The following VEGFD variants were observed in gnomAD, a reference collection of about 807,000 sequenced individuals.
The protein encoded by VEGFD is c-fos induced growth factor (vascular endothelial growth factor D).
Under a neutral mutation model 28.0 loss-of-function variants are expected in VEGFD, and 26 were observed. The observed-to-expected ratio is 0.93, with a 90% CI of 0.68 to 1.29. The LOEUF is 1.29. Ranked by LOEUF, VEGFD falls within the 50% of genes most tolerant of loss-of-function variation. VEGFD has a pLI of 0.00. For synonymous variants in VEGFD, 93 were observed against 95.5 expected (o/e 0.97, Z 0.15); for missense variants, 294 against 273.4 (o/e 1.08, Z -0.53).
rs745810706 is a variant in VEGFD, at chrX:15,358,015, G to A, written c.480C>T (p.Tyr160=). 97 of 1,209,049 alleles carry A rather than the reference G, an allele frequency of 8.0e-5. No homozygotes were observed. The South Asian group carries it at 1.7e-3, about 21-fold the overall frequency. ...SLICMNTSTS[Y]ISKQLFEISV... ...GATGTCCTTATACCTGTTTGGAAAT[G>A]TACGAGGTGCTGGTGTTCATACAGA... is the stretch of plus-strand genomic sequence containing the variant. Residue 160 remains tyrosine (Y), a synonymous_variant, in exon 3 of 7, where the codon TAC becomes TAT. Coordinates refer to ENST00000297904, the MANE Select transcript of VEGFD (RefSeq NM_004469.5).
intron 5 of VEGFD, among the ~76,000 whole-genome samples, chrX:15,350,837 T>TTTCTCTTTCTC (rs200294950): frequency 2.3e-4 from 14 of 62,069 alleles, no homozygotes; most frequent in Admixed American, 1.7e-3. Flanking sequence ...TTCTTTTCTT[T>TTTCTCTTTCTC]TCTTTTTCTC....
chrX:15,358,115 C>T lies in VEGFD; in HGVS notation c.380G>A (p.Ser127Asn). 3 of 1,211,515 alleles carry T rather than the reference C, an allele frequency of 2.5e-6. No individual in the cohort carries two copies. Among genetic ancestry groups the T allele is most frequent in the Non-Finnish European group, 3.4e-6 (3 of 895,282 alleles). Residue 127 changes from serine (S) to asparagine (N), a missense_variant, in exon 3 of 7, where the codon AGT (serine) becomes AAT (asparagine). Transcript: ENST00000297904. ...AGGGGGCTTGAAGAATGTGTTGGTACTCTTCCCCAGCTCACTGGCCACCTC... is the reference window on the plus strand; with the variant it reads ...AGGGGGCTTGAAGAATGTGTTGGTATTCTTCCCCAGCTCACTGGCCACCTC... ...CVEVASELGKSTNTFFKPPCV... is the reference protein window; with the variant it reads ...CVEVASELGKNTNTFFKPPCV...
Position 15,346,137 on chromosome X carries a change from G to T in VEGFD, c.1061C>A (p.Pro354His). ...TGGGGAACTTGGAACGCTGAATCAA[G>T]GATTCTTTCGGCTGTGGGGCCCCTG... is the stretch of plus-strand genomic sequence containing the variant. ...AAQGPHSRKNP is the reference protein window; with the variant it reads ...AAQGPHSRKNH The change falls in exon 7 of 7, where the codon CCT (proline) becomes CAT (histidine). Residue 354 changes from proline to histidine, a missense_variant. Transcript: ENST00000297904. 5.0e-6 allele frequency: 6 copies of T among 1,209,949 alleles called. No individual in the cohort carries two copies. Among genetic ancestry groups the T allele is most frequent in the Non-Finnish European group, 6.7e-6 (6 of 894,839 alleles).
chrX:15,347,164 C>G lies in VEGFD; in HGVS notation c.938G>C (p.Ser313Thr). ...AGGCAAGACAACTCAAGGCATTTAC[C>G]TGCAGGTGTCTGGGTGAAATAGCTT... Reference protein sequence around the residue: ...KHKLFHPDTCSCEDRCPFHTR... With the variant: ...KHKLFHPDTCTCEDRCPFHTR... Residue 313 changes from serine (S) to threonine (T), a missense_variant and splice_region_variant, in exon 6 of 7, where the codon AGC (serine) becomes ACC (threonine). Coordinates refer to ENST00000297904, the MANE Select transcript of VEGFD (RefSeq NM_004469.5). 5 of 1,205,461 alleles carry G rather than the reference C, an allele frequency of 4.1e-6. No homozygotes were observed. Among genetic ancestry groups the G allele is most frequent in the Non-Finnish European group, 5.6e-6 (5 of 891,977 alleles).
At position 15,354,099 on chromosome X, in the gene VEGFD, A is replaced by G. The variant is rs377560062; in HGVS notation, c.642-931T>C. 4.7e-5 allele frequency among the ~76,000 whole-genome samples: 5 copies of G among 107,171 alleles called. No individual in the cohort carries two copies. The East Asian group carries it at 8.8e-4, about 19-fold the overall frequency. 93.1% of individuals were successfully genotyped at this position (107,171 alleles called of 115,157 possible). On this transcript the variant is annotated intron_variant, in intron 4 of 6. Coordinates refer to ENST00000297904, the MANE Select transcript of VEGFD (RefSeq NM_004469.5). Reference sequence around the variant, plus strand: ...TTCTCCTGCCTCAGCCTCCCAAGTAACTGGGACTACAGGCACCCACCACCA... The same window carrying G: ...TTCTCCTGCCTCAGCCTCCCAAGTAGCTGGGACTACAGGCACCCACCACCA...
rs1396657868 is a variant in VEGFD, at chrX:15,347,530, T to C, written c.743-171A>G. 2.0e-5 allele frequency: 7 copies of C among 342,032 alleles called. No individual in the cohort carries two copies. In the East Asian group the frequency reaches 2.7e-4, roughly 13 times the overall value. 28.2% of individuals were successfully genotyped at this position (342,032 alleles called of 1,213,427 possible). On this transcript the variant is annotated intron_variant, in intron 5 of 6. Coordinates refer to ENST00000297904, the MANE Select transcript of VEGFD (RefSeq NM_004469.5). The stretch of plus-strand genomic sequence containing the variant: ...AGGGTGAGGAAGATTAACCTCTGAT[T>C]TCACAATACAAACACAGGTTTGTGT...
chrX:15,367,410 A>T (rs1923173285), intron 1 of VEGFD, among the ~76,000 whole-genome samples: 1 of 111,989 alleles, frequency 8.9e-6, no homozygotes, highest in African/African-American at 3.2e-5. Context: ...AACAATTGCT[A>T]ATGTCTCTGG....
At chrX:15,361,762 A>G (rs1923017296) in intron 2 of VEGFD, among the ~76,000 whole-genome samples, 1 of 112,440 alleles carries the variant, frequency 8.9e-6, no homozygotes, top group Admixed American at 9.4e-5. Context: ...TAAGTGCCTA[A>G]TCAGAAACCA....
chrX:15,383,323 A>T (rs1923631187), intron 1 of VEGFD, among the ~76,000 whole-genome samples: 2 of 112,384 alleles, frequency 1.8e-5, no homozygotes, highest in South Asian at 7.3e-4. Context: ...GTTGAATTTT[A>T]CACCTTTCAA....
At chrX:15,359,194 G>C (rs899747548) in intron 2 of VEGFD, among the ~76,000 whole-genome samples, 5 of 109,722 alleles carry the variant, frequency 4.6e-5, no homozygotes, top group Non-Finnish European at 7.6e-5. Flanking sequence ...CTAGTAACTT[G>C]CTTCTTATGA....
At chrX:15,378,949 C>A (rs900114012) in intron 1 of VEGFD, among the ~76,000 whole-genome samples, 2 of 111,380 alleles carry the variant, frequency 1.8e-5, no homozygotes, top group Admixed American at 1.9e-4. Flanking sequence ...ACTCACCCCA[C>A]CTCCAGCTGC....
chrX:15,358,106 G>A lies in VEGFD; in HGVS notation c.389C>T (p.Thr130Ile). The change falls in exon 3 of 7, where the codon ACA (threonine) becomes ATA (isoleucine). Residue 130 changes from threonine to isoleucine, a missense_variant. Coordinates refer to ENST00000297904, the MANE Select transcript of VEGFD (RefSeq NM_004469.5). ...VASELGKSTN[T>I]FFKPPCVNVF... is the part of the protein sequence containing the mutation. Reference sequence around the variant, plus strand: ...GTTCACACAAGGGGGCTTGAAGAATGTGTTGGTACTCTTCCCCAGCTCACT... The same window carrying A: ...GTTCACACAAGGGGGCTTGAAGAATATGTTGGTACTCTTCCCCAGCTCACT... 1 of 1,211,394 alleles carries A rather than the reference G, an allele frequency of 8.3e-7. No individual in the cohort carries two copies. Among genetic ancestry groups the A allele is most frequent in the Non-Finnish European group, 1.1e-6 (1 of 895,147 alleles).
chrX:15,369,595 C>A (rs1349766767), intron 1 of VEGFD, among the ~76,000 whole-genome samples: 1 of 111,525 alleles, frequency 9.0e-6, no homozygotes, highest in Non-Finnish European at 1.9e-5. Context: ...AAGAGTTCAG[C>A]AGTTCTCTAA....
At chrX:15,352,266 T>A (rs1922749281) in intron 5 of VEGFD, among the ~76,000 whole-genome samples, 1 of 111,883 alleles carries the variant, frequency 8.9e-6, no homozygotes, top group Non-Finnish European at 1.9e-5. Context: ...TAGATTATAG[T>A]TTAAAACAAG....
chrX:15,361,430 G>C (rs2147741940), intron 2 of VEGFD, among the ~76,000 whole-genome samples: 1 of 111,858 alleles, frequency 8.9e-6, no homozygotes, highest in African/African-American at 3.2e-5. Flanking sequence ...AACTCACTTA[G>C]ACACACAGTC....
chrX:15,384,332 C>A lies in VEGFD; in HGVS notation c.-386G>T. ...GAGGTGGTGTGGCCACCAATGCTTA[C>A]AGCTACAGAAAGCTGGAACCCAACT... is the stretch of plus-strand genomic sequence containing the variant. On this transcript the variant is annotated 5_prime_UTR_variant, in exon 1 of 7. Coordinates refer to ENST00000297904, the MANE Select transcript of VEGFD (RefSeq NM_004469.5). 7.6e-6 allele frequency: 1 copy of A among 131,915 alleles called. No individual in the cohort carries two copies. The highest frequency in any genetic ancestry group is 1.5e-5 in the Non-Finnish European group (1 of 65,840). 10.9% of individuals were successfully genotyped at this position (131,915 alleles called of 1,213,427 possible).
At chrX:15,368,039 A>AAAG (rs758365758) in intron 1 of VEGFD, among the ~76,000 whole-genome samples, 31 of 103,941 alleles carry the variant, frequency 3.0e-4, no homozygotes, top group East Asian at 1.5e-3. Context: ...AGGAAAGAAG[A>AAAG]AAGAAAGAAA....
chrX:15,369,638 C>A (rs1168112180), intron 1 of VEGFD, among the ~76,000 whole-genome samples: 1 of 111,369 alleles, frequency 9.0e-6, no homozygotes, highest in Non-Finnish European at 1.9e-5. Context: ...CAACTAATTC[C>A]AATCCTAAGT....
chrX:15,365,252 C>T lies in VEGFD; in HGVS notation c.91-1933G>A, dbSNP rs987142290. On this transcript the variant is annotated intron_variant, in intron 1 of 6. Transcript: ENST00000297904. ...GGTTCAAGCGATTCTCCTGCCTCAGCCTCCTAAGTAGCTGGGACTACAGGA... is the reference window on the plus strand; with the variant it reads ...GGTTCAAGCGATTCTCCTGCCTCAGTCTCCTAAGTAGCTGGGACTACAGGA... 5.4e-5 allele frequency among the ~76,000 whole-genome samples: 6 copies of T among 111,655 alleles called. No individual in the cohort carries two copies. The East Asian group carries it at 8.4e-4, about 16-fold the overall frequency.
Sources: gnomAD v4.1 joint callset for allele counts (sites outside exome capture counted in the v4.1 genomes callset) on GRCh38, gnomAD v4.1.1 for gene constraint, MANE v1.5 for transcripts, NCBI Gene and HGNC (gene_info 2026-07-23, HGNC 2026-07-21) for gene names.